Variants in AHNAK observed in about 807,000 individuals in gnomAD.
AHNAK encodes neuroblast differentiation-associated protein AHNAK.
A neutral mutation model predicts 37.8 loss-of-function variants in AHNAK; 23 were observed. The observed-to-expected ratio is 0.61, with a 90% confidence interval of 0.44 to 0.86. The LOEUF is 0.86. AHNAK is among the 40% of genes least tolerant of loss of function. The pLI, the probability that AHNAK is intolerant of heterozygous loss-of-function variation, is 0.00. For missense variants in AHNAK, 7,411 were observed against 7,319.4 expected, an observed-to-expected ratio of 1.01 and a Z score of -0.46; for synonymous variants, 2,481 against 2,636.3, an observed-to-expected ratio of 0.94 and a Z score of 1.80.
chr11:62,449,929 C>CCTGCATGTCAACTCCT lies in AHNAK; in HGVS notation c.443-16039_443-16038insAGGAGTTGACATGCAG, dbSNP rs567721473. Among the ~76,000 whole-genome samples the CCTGCATGTCAACTCCT allele has an allele frequency of 7.8e-4, 118 of 152,160 alleles. 2 individuals are homozygous for CCTGCATGTCAACTCCT. Among genetic ancestry groups the CCTGCATGTCAACTCCT allele is most frequent in the African/African-American group, 2.7e-3 (114 of 41,526 alleles). ...ATTATGATTAAAACAAAAGTCAACT[C>CCTGCATGTCAACTCCT]GTGTCTTTTTCCTGCGTGAAAATCT... On this transcript the variant is annotated intron_variant, in intron 5 of 5. Coordinates refer to the AHNAK transcript ENST00000257247.
intron 5 of AHNAK, among the ~76,000 whole-genome samples, chr11:62,471,292 TA>T (rs1339308945): frequency 4.6e-5 from 7 of 152,026 alleles, no homozygotes; most frequent in Non-Finnish European, 8.8e-5. Flanking sequence ...TTGTCGCAAC[TA>T]GGGGGGGCTT....
chr11:62,473,415 G>C (rs1169315266), intron 5 of AHNAK, among the ~76,000 whole-genome samples: 3 of 129,454 alleles, frequency 2.3e-5, no homozygotes, highest in Non-Finnish European at 5.0e-5. Flanking sequence ...AAAAAAAAAG[G>C]CTGGGTGCGG....
intron 5 of AHNAK, among the ~76,000 whole-genome samples, chr11:62,485,171 G>A (rs1045035118): frequency 6.6e-6 from 1 of 152,154 alleles, no homozygotes; most frequent in South Asian, 2.1e-4. Context: ...GGCCAAAGCG[G>A]GAGGATCGTT....
intron 5 of AHNAK, among the ~76,000 whole-genome samples, chr11:62,451,443 TA>T (rs199837976): frequency 6.5e-5 from 9 of 138,464 alleles, no homozygotes; most frequent in East Asian, 4.0e-4. Flanking sequence ...ATCTTCCATC[TA>T]AAAAAAAAAT....
At chr11:62,541,381 A>T (rs1458568382) in intron 1 of AHNAK, among the ~76,000 whole-genome samples, 1 of 152,220 alleles carries the variant, frequency 6.6e-6, no homozygotes, top group Non-Finnish European at 1.5e-5. Flanking sequence ...GACCCACCAC[A>T]CACACAAGGC....
rs1270683574 is a variant in AHNAK, at chr11:62,529,575, A to G, written c.4842T>C (p.Asp1614=). The G allele has an allele frequency of 1.2e-6, 2 of 1,614,022 alleles. No homozygotes were observed. The highest frequency in any genetic ancestry group is 4.5e-5 in the East Asian group (2 of 44,900). The change falls in exon 5 of 5, where the codon GAT becomes GAC. Residue 1614 remains aspartate, a synonymous_variant. Coordinates refer to ENST00000378024, the MANE Select transcript of AHNAK (RefSeq NM_001620.3). ...TCACATCCATCTTAGGGGCTTTCAC[A>G]TCAATTTCAGGACCCTTCAAGTCTC... is the stretch of plus-strand genomic sequence containing the variant. The part of the protein sequence containing the change: ...VEGDLKGPEI[D]VKAPKMDVNV...
chr11:62,502,845 T>A (rs116866767), intron 4 of AHNAK, among the ~76,000 whole-genome samples: 2,326 of 152,106 alleles, frequency 0.015, 20 homozygotes, highest in Non-Finnish European at 0.023. Context: ...TGGGAAGAGC[T>A]GAGTGTGGCT....
In AHNAK at chr11:62,517,258, G is replaced by GA; in HGVS notation, c.17158dup (p.Ser5720PhefsTer4). On this transcript the variant is annotated frameshift_variant, in exon 5 of 5. Coordinates refer to ENST00000378024, the MANE Select transcript of AHNAK (RefSeq NM_001620.3). LOFTEE classifies it high-confidence loss of function. ...GACACCACCTTTCCCTTTAGGTTTG[G>GA]AAAAATTAAACTTGGGCATTTTGAT... 6.2e-7 allele frequency: 1 copy of GA among 1,614,052 alleles called. No individual in the cohort carries two copies. Among genetic ancestry groups the GA allele is most frequent in the South Asian group, 1.1e-5 (1 of 91,082 alleles).
intron 1 of AHNAK, among the ~76,000 whole-genome samples, chr11:62,537,102 C>T (rs1251811352): frequency 1.3e-5 from 2 of 151,662 alleles, no homozygotes; most frequent in Non-Finnish European, 2.9e-5. Flanking sequence ...TACAGGCGCC[C>T]GCCACCATGC....
intron 5 of AHNAK, among the ~76,000 whole-genome samples, chr11:62,452,362 G>A (rs771191595): frequency 7.2e-5 from 11 of 152,278 alleles, no homozygotes; most frequent in Non-Finnish European, 1.2e-4. Flanking sequence ...AGGCCGTCCC[G>A]CTCTGGAACT....
Position 62,517,511 on chromosome 11 carries a change from G to A in AHNAK, c.16906C>T (p.Gln5636Ter). ...CCAGACACACTCAGCCCAGGAGCCT[G>A]GAGTCCAATCTGACCTCCTTTCACA... ...GGVKGGQIGL[Q>*]APGLSVSGPQ... Residue 5636 changes from glutamine to a stop codon, truncating the protein, a stop_gained, in exon 5 of 5, where the codon CAG becomes TAG. Coordinates refer to ENST00000378024, the MANE Select transcript of AHNAK (RefSeq NM_001620.3). LOFTEE classifies it high-confidence loss of function. 6.2e-7 allele frequency: 1 copy of A among 1,614,152 alleles called. No homozygotes were observed. The highest frequency in any genetic ancestry group is 8.5e-7 in the Non-Finnish European group (1 of 1,180,020).
chr11:62,538,856 C>T (rs17157379), intron 1 of AHNAK, among the ~76,000 whole-genome samples: 2 of 152,178 alleles, frequency 1.3e-5, no homozygotes, highest in African/African-American at 4.8e-5. Flanking sequence ...CTTGAAGGTG[C>T]TACAGGTGAC....
In AHNAK at chr11:62,526,680, G is replaced by C. The variant is rs1328683632; in HGVS notation, c.7737C>G (p.Ile2579Met). Residue 2579 changes from isoleucine to methionine, a missense_variant, in exon 5 of 5, where the codon ATC becomes ATG. Coordinates refer to ENST00000378024, the MANE Select transcript of AHNAK (RefSeq NM_001620.3). ...GATGCAAATCAAAGTCAGGCATGGA[G>C]ATCTTGGGGGCTTTGATGTTCATCT... ...MPEMNIKAPKISMPDFDLHLK... is the reference protein window; with the variant it reads ...MPEMNIKAPKMSMPDFDLHLK... 7 of 1,612,118 alleles carry C rather than the reference G, an allele frequency of 4.3e-6. No homozygotes were observed. Among genetic ancestry groups the C allele is most frequent in the Non-Finnish European group, 5.9e-6 (7 of 1,179,558 alleles).
In AHNAK at chr11:62,526,541, C is replaced by G; in HGVS notation, c.7876G>C (p.Asp2626His). 1 of 1,612,720 alleles carries G rather than the reference C, an allele frequency of 6.2e-7. No homozygotes were observed. Among genetic ancestry groups the G allele is most frequent in the Non-Finnish European group, 8.5e-7 (1 of 1,179,760 alleles). The change falls in exon 5 of 5, where the codon GAT becomes CAT. Residue 2626 changes from aspartate to histidine, a missense_variant. Asp to His is a moderately conservative substitution (Grantham distance 81). Coordinates refer to ENST00000378024, the MANE Select transcript of AHNAK (RefSeq NM_001620.3). ...KGPKVDINAPDVGVQGPDWHL... is the reference protein window; with the variant it reads ...KGPKVDINAPHVGVQGPDWHL... ...CAGTCTGGGCCTTGAACACCCACATCTGGGGCATTAATATCCACTTTGGGC... is the reference window on the plus strand; with the variant it reads ...CAGTCTGGGCCTTGAACACCCACATGTGGGGCATTAATATCCACTTTGGGC...
At position 62,532,494 on chromosome 11, in the gene AHNAK, G is replaced by A; in HGVS notation, c.1923C>T (p.Ala641=). 6.2e-7 allele frequency: 1 copy of A among 1,613,884 alleles called. No homozygotes were observed. Among genetic ancestry groups the A allele is most frequent in the South Asian group, 1.1e-5 (1 of 91,080 alleles). ...MKMPTFSTPG[A]KGEGPDVHMT... ...TATGAACATCTGGACCTTCCCCTTT[G>A]GCTCCTGGAGTGCTGAACGTGGGCA... is the stretch of plus-strand genomic sequence containing the variant. Residue 641 remains alanine (A), a synonymous_variant, in exon 5 of 5, where the codon GCC becomes GCT. Coordinates refer to ENST00000378024, the MANE Select transcript of AHNAK (RefSeq NM_001620.3).
rs1422959812 is a variant in AHNAK, at chr11:62,523,797, A to G, written c.10620T>C (p.Ala3540=). 5 of 1,613,442 alleles carry G rather than the reference A, an allele frequency of 3.1e-6. No homozygotes were observed. Among genetic ancestry groups the G allele is most frequent in the African/African-American group, 1.3e-5 (1 of 74,694 alleles). ...CAATGTCAGGCATGGAGATCTTGGG[A>G]GCTTTGATATTCATGTCAGGCATCT... ...KFKMPDMNIK[A]PKISMPDIDL... is the part of the protein sequence containing the mutation. Residue 3540 remains alanine, a synonymous_variant, in exon 5 of 5, where the codon GCT becomes GCC. Coordinates refer to ENST00000378024, the MANE Select transcript of AHNAK (RefSeq NM_001620.3).
Position 62,485,450 on chromosome 11 carries a change from C to T in AHNAK, c.442+6282G>A, listed in dbSNP as rs150797446. ...GGGCGCGGTGGCTCACACCTATAAT[C>T]CCAGCACTTTGGGAGTCCGAGGCGG... On this transcript the variant is annotated intron_variant, in intron 5 of 5. Transcript: ENST00000257247. Among the ~76,000 whole-genome samples the T allele has an allele frequency of 3.4e-3, 510 of 152,052 alleles. 4 individuals are homozygous for T. The highest frequency in any genetic ancestry group is 0.012 in the African/African-American group (491 of 41,498).
intron 5 of AHNAK, among the ~76,000 whole-genome samples, chr11:62,486,557 AGG>A (rs1939400313): frequency 2.0e-5 from 2 of 98,788 alleles, no homozygotes; most frequent in African/African-American, 6.7e-5. Flanking sequence ...GGAGGGAGGG[AGG>A]GAGGGAGCAT....
At position 62,517,832 on chromosome 11, in the gene AHNAK, C is replaced by A. The variant is rs771528590; in HGVS notation, c.16585G>T (p.Gly5529Cys). Residue 5529 changes from glycine (G) to cysteine (C), a missense_variant, in exon 5 of 5, where the codon GGT (glycine) becomes TGT (cysteine). Transcript: ENST00000378024. ...GCCCCATGGAAACCTACTTCTGAAC[C>A]TTTCAGACCACCTTTGATTTCAGGC... ...SGPEIKGGLKGSEVGFHGAAP... is the reference protein window; with the variant it reads ...SGPEIKGGLKCSEVGFHGAAP... The A allele has an allele frequency of 6.2e-7, 1 of 1,614,092 alleles. No individual in the cohort carries two copies. The highest frequency in any genetic ancestry group is 8.5e-7 in the Non-Finnish European group (1 of 1,180,030).
Sources: gnomAD v4.1 joint callset for allele counts (sites outside exome capture counted in the v4.1 genomes callset) on GRCh38, gnomAD v4.1.1 for gene constraint, MANE v1.5 for transcripts, NCBI Gene and HGNC (gene_info 2026-07-23, HGNC 2026-07-21) for gene names.